The following ATP8B3 variants were observed in gnomAD, a reference collection of about 807,000 sequenced individuals.
ATP8B3 encodes the protein ATPase phospholipid transporting 8B3.
A neutral mutation model predicts 140.9 loss-of-function variants in ATP8B3; 141 were observed. The observed-to-expected ratio is 1.00, with a 90% CI of 0.87 to 1.15. The LOEUF is 1.15. Among genes scored for constraint, ATP8B3 ranks in the 50% most tolerant of loss-of-function variants. The pLI is 0.00. For missense variants in ATP8B3, 1,874 were observed against 1,740.6 expected (o/e 1.08, Z -1.36); for synonymous variants, 765 against 714.6 (o/e 1.07, Z -1.13).
At position 1,802,567 on chromosome 19, in the gene ATP8B3, G is replaced by C; in HGVS notation, c.983C>G (p.Ser328Cys). The C allele has an allele frequency of 6.2e-7, 1 of 1,611,372 alleles. No homozygotes were observed. Among genetic ancestry groups the C allele is most frequent in the Non-Finnish European group, 8.5e-7 (1 of 1,179,558 alleles). ...GCLEWNDKKY[S>C]LDIGNLLLRG... ...GAGGAGGAGGTTGCCAATGTCCAGG[G>C]AGTATTTCTTGTCATTCCATTCCAG... The change falls in exon 11 of 29, where the codon TCC (serine) becomes TGC (cysteine). Residue 328 changes from serine (S) to cysteine (C), a missense_variant. Physicochemically the swap from Ser to Cys is moderately radical, Grantham distance 112. Transcript: ENST00000310127.
Position 1,791,869 on chromosome 19 carries a change from G to T in ATP8B3, c.2191-8C>A. ...GGCTGTGGCTCCCAGCAGCTGGTGGGGGAGGAGGGCAGGGCGGGGAAGATG... is the reference window on the plus strand; with the variant it reads ...GGCTGTGGCTCCCAGCAGCTGGTGGTGGAGGAGGGCAGGGCGGGGAAGATG... On this transcript the variant is annotated splice_polypyrimidine_tract_variant and splice_region_variant and intron_variant, in intron 19 of 28. Transcript: ENST00000310127. 6.2e-7 allele frequency: 1 copy of T among 1,610,076 alleles called. No individual in the cohort carries two copies.
Position 1,800,078 on chromosome 19 carries a change from G to A in ATP8B3, c.1421C>T (p.Pro474Leu), listed in dbSNP as rs1363009283. The A allele has an allele frequency of 6.3e-7, 1 of 1,582,808 alleles. No individual in the cohort carries two copies. Among genetic ancestry groups the A allele is most frequent in the South Asian group, 1.1e-5 (1 of 87,012 alleles). The change falls in exon 14 of 29, where the codon CCT (proline) becomes CTT (leucine). Residue 474 changes from proline to leucine, a missense_variant. Coordinates refer to ENST00000310127, the MANE Select transcript of ATP8B3 (RefSeq NM_138813.4). The surrounding 1 kb of genome is among the most constrained non-coding windows in gnomAD (Gnocchi z 4.4). ...VQMYYKPQDV[P>L]AKARSTSLND... ...GAGGCTGGTGCTGCGGGCCTTGGCA[G>A]GCACGTCCTGCGGCTTGTAGTACAT... is the stretch of plus-strand genomic sequence containing the variant.
At chr19:1,786,864 C>G (rs2068321731) in intron 25 of ATP8B3, among the ~76,000 whole-genome samples, 1 of 152,156 alleles carries the variant, frequency 6.6e-6, no homozygotes. Context: ...CACGGGGGCT[C>G]CAGCACAGGG....
intron 14 of ATP8B3, among the ~76,000 whole-genome samples, chr19:1,798,591 AGCCGGGCGT>A (rs2068750938): frequency 6.6e-6 from 1 of 151,294 alleles, no homozygotes; most frequent in South Asian, 2.1e-4. Context: ...ACAAAAAATT[AGCCGGGCGT>A]GGTGGCGGGC....
rs2069017744 is a variant in ATP8B3 at position 1,806,321 on chromosome 19, C to A, written c.678-152G>T. 13 of 1,477,258 alleles carry A rather than the reference C, an allele frequency of 8.8e-6. No homozygotes were observed. The East Asian group carries it at 3.0e-4, about 34-fold the overall frequency. 91.5% of individuals were successfully genotyped at this position (1,477,258 alleles called of 1,614,324 possible). On this transcript the variant is annotated intron_variant, in intron 7 of 28. Transcript: ENST00000310127. This position sits in a 1 kb window ranked among gnomAD's most constrained non-coding sequence, Gnocchi z 5.6. Reference sequence around the variant, plus strand: ...CAGGAAGCCTTCCCCGGGCTCCCACCCCACTCCCCGCGGGTCCACGCTCCC... The same window carrying A: ...CAGGAAGCCTTCCCCGGGCTCCCACACCACTCCCCGCGGGTCCACGCTCCC...
intron 10 of ATP8B3, among the ~76,000 whole-genome samples, chr19:1,803,495 G>A (rs1298560082): frequency 1.3e-5 from 2 of 152,212 alleles, no homozygotes; most frequent in East Asian, 1.9e-4. Context: ...GAGAATGCTG[G>A]GGCAGATGGA....
intron 10 of ATP8B3, among the ~76,000 whole-genome samples, chr19:1,803,337 T>TG (rs1179117257): frequency 6.6e-6 from 1 of 152,102 alleles, no homozygotes; most frequent in East Asian, 1.9e-4. Flanking sequence ...GTCTTAGGGA[T>TG]GGGGACCCTG....
chr19:1,791,217 CTT>C (rs887948814), intron 20 of ATP8B3, among the ~76,000 whole-genome samples: 1 of 146,168 alleles, frequency 6.8e-6, no homozygotes. Context: ...CTGAAAATCA[CTT>C]TTTTTTTTTT....
chr19:1,783,836 C>T (rs1214330033), intron 28 of ATP8B3, among the ~76,000 whole-genome samples: 2 of 129,554 alleles, frequency 1.5e-5, no homozygotes, highest in East Asian at 1.9e-4. Flanking sequence ...GCTAGTAAGT[C>T]CCCTCCCTTT....
At chr19:1,787,007 G>C (rs979599611) in intron 25 of ATP8B3, 96 bp downstream of exon 25, 3 of 1,214,904 alleles carry the variant, frequency 2.5e-6, no homozygotes, top group Non-Finnish European at 2.3e-6. Context: ...TGGCCTGAAG[G>C]TCTCCCAGGC....
chr19:1,811,813 C>T lies in ATP8B3; in HGVS notation c.-77G>A. 1 of 1,432,518 alleles carries T rather than the reference C, an allele frequency of 7.0e-7. No individual in the cohort carries two copies. The highest frequency in any genetic ancestry group is 9.3e-7 in the Non-Finnish European group (1 of 1,078,892). 88.7% of individuals were successfully genotyped at this position (1,432,518 alleles called of 1,614,324 possible). ...GGACGGGGGAGAGGTGGGGGAGACC[C>T]CCGTGGGGGCAGACTGGGGATTGGA... is the stretch of plus-strand genomic sequence containing the variant. On this transcript the variant is annotated 5_prime_UTR_variant, in exon 2 of 29. Coordinates refer to ENST00000310127, the MANE Select transcript of ATP8B3 (RefSeq NM_138813.4).
At chr19:1,808,122 C>G in intron 5 of ATP8B3, 100 bp downstream of exon 5, 2 of 947,350 alleles carry the variant, frequency 2.1e-6, no homozygotes, top group Middle Eastern at 2.1e-4. Context: ...GGGTCCCAGT[C>G]TGTGGGGAGT....
At chr19:1,789,854 G>A (rs774663523) in intron 22 of ATP8B3, 36 bp downstream of exon 22, 1 of 1,602,566 alleles carries the variant, frequency 6.2e-7, no homozygotes, top group Admixed American at 1.7e-5. Flanking sequence ...CCTCCCTGGC[G>A]CCGGGACCCC....
chr19:1,806,522 G>A lies in ATP8B3; in HGVS notation c.677+106C>T. 1 of 1,515,104 alleles carries A rather than the reference G, an allele frequency of 6.6e-7. No individual in the cohort carries two copies. Among genetic ancestry groups the A allele is most frequent in the Non-Finnish European group, 8.8e-7 (1 of 1,132,896 alleles). 93.9% of individuals were successfully genotyped at this position (1,515,104 alleles called of 1,614,324 possible). A position where few individuals can be genotyped will look rare whatever the true frequency, so the allele number is the denominator to read the frequency against. ...GTTCCTGTCGGACTCAACCAGCCGG[G>A]AGATCAGGGAGCACGGAAGGTGATG... On this transcript the variant is annotated intron_variant, in intron 7 of 28. Coordinates refer to ENST00000310127, the MANE Select transcript of ATP8B3 (RefSeq NM_138813.4). The surrounding 1 kb of genome is among the most constrained non-coding windows in gnomAD (Gnocchi z 5.6).
At chr19:1,803,292 G>A (rs2068909682) in intron 10 of ATP8B3, among the ~76,000 whole-genome samples, 1 of 152,160 alleles carries the variant, frequency 6.6e-6, no homozygotes, top group African/African-American at 2.4e-5. Context: ...GGGGCCACAG[G>A]GTTCCTGAAG....
chr19:1,810,737 A>T, intron 2 of ATP8B3, 54 bp from the exon 3 acceptor site: 2 of 1,549,592 alleles, frequency 1.3e-6, no homozygotes, highest in Non-Finnish European at 1.8e-6. Flanking sequence ...CTTGCTGGGC[A>T]CCACTCGGTC....
At chr19:1,799,849 G>C in intron 14 of ATP8B3, 98 bp downstream of exon 14, 1 of 1,230,896 alleles carries the variant, frequency 8.1e-7, no homozygotes, top group Non-Finnish European at 1.2e-6. Context: ...TCGGGCGGAG[G>C]TGCTGGGCAT....
At position 1,806,250 on chromosome 19, in the gene ATP8B3, C is replaced by A; in HGVS notation, c.678-81G>T. ...CCGGGAGACCAGAGGCACGGGATGA[C>A]GGGGGGCCCGCAGCTGCAGTCCCCA... On this transcript the variant is annotated intron_variant, in intron 7 of 28. Transcript: ENST00000310127. The surrounding 1 kb of genome is among the most constrained non-coding windows in gnomAD (Gnocchi z 5.6). 1 of 1,533,276 alleles carries A rather than the reference C, an allele frequency of 6.5e-7. No homozygotes were observed. The allele number at this position is 1,533,276 out of a possible 1,614,324, so 95.0% of individuals were successfully genotyped here.
chr19:1,786,446 A>G (rs1317493036), intron 25 of ATP8B3, among the ~76,000 whole-genome samples: 2 of 151,922 alleles, frequency 1.3e-5, no homozygotes, highest in African/African-American at 4.8e-5. Flanking sequence ...CACGCCTGTA[A>G]TCCCAGCTAC....
Sources: allele counts gnomAD v4.1 joint callset (sites outside exome capture counted in the v4.1 genomes callset), GRCh38; gene constraint gnomAD v4.1.1; non-coding constraint Gnocchi (gnomAD v3.1); transcripts MANE v1.5; gene names NCBI Gene and HGNC (gene_info 2026-07-23, HGNC 2026-07-21).